Variants in PLP1 observed in about 807,000 individuals in gnomAD.
PLP1 encodes the protein proteolipid protein 1.
In PLP1, 2 loss-of-function variants were observed where a neutral mutation model predicts 18.5. That is an observed-to-expected ratio of 0.11 (90% CI 0.04 to 0.34). PLP1 has a LOEUF of 0.34. PLP1 is among the 10% of genes least tolerant of loss of function. The pLI is 1.00. For synonymous variants in PLP1, 86 were observed against 83.2 expected (o/e 1.03, Z -0.19); for missense variants, 105 against 207.3 (o/e 0.51, Z 3.03).
intron 1 of PLP1, among the ~76,000 whole-genome samples, chrX:103,781,670 A>G (rs1286524636): frequency 8.9e-6 from 1 of 112,563 alleles, no homozygotes; most frequent in Non-Finnish European, 1.9e-5. Flanking sequence ...CTGAATTCAC[A>G]TAAACAGAAA....
At chrX:103,782,338 C>T (rs1037331977) in intron 1 of PLP1, among the ~76,000 whole-genome samples, 1 of 112,167 alleles carries the variant, frequency 8.9e-6, no homozygotes, top group African/African-American at 3.2e-5. Flanking sequence ...TTGTCCCTTG[C>T]TTTGAGCTGT....
chrX:103,778,423 A>T (rs1005034380), intron 1 of PLP1, among the ~76,000 whole-genome samples: 2 of 111,970 alleles, frequency 1.8e-5, no homozygotes, highest in African/African-American at 6.5e-5. Context: ...TGAATGTTGG[A>T]GGAACTCAAT....
intron 3 of PLP1, chrX:103,786,972 C>T (rs2074502866): frequency 4.7e-6 from 2 of 421,971 alleles, no homozygotes; most frequent in African/African-American, 2.5e-5. Context: ...TTGTGGGATG[C>T]TTTGTACAAT....
At chrX:103,776,522 C>T (rs755194076), upstream of PLP1, 18 of 121,497 alleles carry the variant, frequency 1.5e-4, no homozygotes, top group African/African-American at 3.9e-4. Context: ...TGGCTTCTCA[C>T]GCTTGTGCTG....
At chrX:103,790,385 A>G (rs1193406155) in intron 6 of PLP1, 142 bp from the exon 7 acceptor site, 6 of 558,672 alleles carry the variant, frequency 1.1e-5, no homozygotes, top group African/African-American at 2.2e-5. Context: ...CAAGCCTGGG[A>G]TGTACTGCTT....
chrX:103,790,523 A>G lies in PLP1; in HGVS notation c.763-4A>G. The stretch of plus-strand genomic sequence containing the variant: ...ATTCACATTCTCTCTTCTGTTCCCT[A>G]CAGCTCACCTTCATGATTGCTGCCA... On this transcript the variant is annotated splice_region_variant and splice_polypyrimidine_tract_variant and intron_variant, in intron 6 of 6. Coordinates refer to ENST00000621218, the MANE Select transcript of PLP1 (RefSeq NM_000533.5). 8.4e-7 allele frequency: 1 copy of G among 1,197,466 alleles called. No individual in the cohort carries two copies. The highest frequency in any genetic ancestry group is 1.1e-6 in the Non-Finnish European group (1 of 882,787).
At chrX:103,784,587 C>T (rs1290500157) in intron 1 of PLP1, among the ~76,000 whole-genome samples, 1 of 111,989 alleles carries the variant, frequency 8.9e-6, no homozygotes, top group Non-Finnish European at 1.9e-5. Context: ...GCAACAAATA[C>T]ACACGATGCT....
intron 1 of PLP1, 70 bp from the exon 2 acceptor site, chrX:103,785,512 G>A: frequency 3.2e-6 from 3 of 941,673 alleles, no homozygotes; most frequent in South Asian, 2.0e-5. Context: ...CACAGGGCCT[G>A]GCAGAGGGGT....
At chrX:103,790,346 A>G (rs2074534716) in intron 6 of PLP1, among the ~76,000 whole-genome samples, 181 bp from the exon 7 acceptor site, 1 of 112,969 alleles carries the variant, frequency 8.9e-6, no homozygotes, top group African/African-American at 3.2e-5. Context: ...GAGACATCGG[A>G]CTTCCAGTCA....
chrX:103,784,159 C>A (rs910075633), intron 1 of PLP1, among the ~76,000 whole-genome samples: 2 of 111,461 alleles, frequency 1.8e-5, no homozygotes, highest in African/African-American at 6.5e-5. Context: ...GCTTTCAGAG[C>A]CTGTGACTTC....
Position 103,786,764 on chromosome X carries a change from TG to T in PLP1, c.453+43del. ...AGGATTTTGTGGCAATAACAAGGGG[TG>T]GGGGAAAATTGGGCGCGAGTCTGTG... On this transcript the variant is annotated intron_variant, in intron 3 of 6. Transcript: ENST00000621218. 1 of 1,196,261 alleles carries T rather than the reference TG, an allele frequency of 8.4e-7. No homozygotes were observed. Among genetic ancestry groups the T allele is most frequent in the South Asian group, 1.8e-5 (1 of 56,501 alleles).
At chrX:103,787,721 T>TC (rs1451637011) in intron 3 of PLP1, 77 bp from the exon 4 acceptor site, 20 of 887,123 alleles carry the variant, frequency 2.3e-5, no homozygotes, top group Non-Finnish European at 3.0e-5. Flanking sequence ...CACACGCCAC[T>TC]CCAGGATCTC....
chrX:103,777,463 G>A (rs1427804601), intron 1 of PLP1, among the ~76,000 whole-genome samples: 4 of 112,065 alleles, frequency 3.6e-5, no homozygotes, highest in Non-Finnish European at 7.5e-5. Context: ...TGGGGATCGG[G>A]CAAGCTGGAC....
At chrX:103,781,373 A>G (rs1445421781) in intron 1 of PLP1, 1 of 300,446 alleles carries the variant, frequency 3.3e-6, no homozygotes, top group East Asian at 1.0e-4. Flanking sequence ...AGAAGGGCTT[A>G]AAGTTGGAGT....
chrX:103,780,433 C>CTGTGTGTGTGTGTG (rs1410759465), intron 1 of PLP1, among the ~76,000 whole-genome samples: 1 of 26,595 alleles, frequency 3.8e-5, no homozygotes, highest in Admixed American at 4.2e-4. Flanking sequence ...TTCATTCTGT[C>CTGTGTGTGTGTGTG]TCTCTCTGTG....
intron 3 of PLP1, chrX:103,787,001 T>A: frequency 2.6e-6 from 1 of 389,343 alleles, no homozygotes; most frequent in Non-Finnish European, 4.5e-6. Context: ...TTCTAAGCCA[T>A]CTGTTGGTAT....
chrX:103,777,111 C>A, intron 1 of PLP1, 112 bp downstream of exon 1: 1 of 631,125 alleles, frequency 1.6e-6, no homozygotes, highest in Non-Finnish European at 2.6e-6. Flanking sequence ...CGTGTTTTGG[C>A]ACTTGTTTTC....
Position 103,776,942 on chromosome X carries a change from A to T in PLP1, c.-54A>T. 1 of 1,161,854 alleles carries T rather than the reference A, an allele frequency of 8.6e-7. No individual in the cohort carries two copies. ...AGGATCCTTCCAGCTGAACAAAGTC[A>T]GCCACAAAGCAGACTAGCCAGCCGG... On this transcript the variant is annotated 5_prime_UTR_variant, in exon 1 of 7. Coordinates refer to ENST00000621218, the MANE Select transcript of PLP1 (RefSeq NM_000533.5).
chrX:103,787,632 G>A, intron 3 of PLP1, 166 bp from the exon 4 acceptor site: 1 of 502,752 alleles, frequency 2.0e-6, no homozygotes, highest in Non-Finnish European at 3.6e-6. Context: ...AGTAGATACT[G>A]CCAATTACCC....
Sources: allele counts gnomAD v4.1 joint callset (sites outside exome capture counted in the v4.1 genomes callset), GRCh38; gene constraint gnomAD v4.1.1; transcripts MANE v1.5; gene names NCBI Gene and HGNC (gene_info 2026-07-23, HGNC 2026-07-21).